Variants in TPM3 observed in about 807,000 individuals in gnomAD.
TPM3 encodes tropomyosin alpha-3 chain.
TPM3 carries 16 observed loss-of-function variants against 43.1 expected under a neutral mutation model. The ratio of observed to expected loss-of-function variants is 0.37; its 90% CI spans 0.25 to 0.56. TPM3 has a LOEUF of 0.56. Ranked by LOEUF, TPM3 falls within the 20% of genes least tolerant of loss-of-function variation. TPM3 has a pLI of 0.77. For synonymous variants in TPM3, 101 were observed against 116.9 expected (o/e 0.86, Z 0.88); for missense variants, 176 against 337.2 (o/e 0.52, Z 3.74).
intron 2 of TPM3, among the ~76,000 whole-genome samples, chr1:154,178,916 C>T (rs550176203): frequency 6.6e-6 from 1 of 152,272 alleles, no homozygotes; most frequent in Admixed American, 6.5e-5. Flanking sequence ...GTCACATTAC[C>T]AGATGGCTGA....
At position 154,163,174 on chromosome 1, in the gene TPM3, T is replaced by C. The variant is rs1660561223; in HGVS notation, c.*4763A>G. Among the ~76,000 whole-genome samples the C allele has an allele frequency of 6.6e-6, 1 of 152,138 alleles. No homozygotes were observed. Among genetic ancestry groups the C allele is most frequent in the African/African-American group, 2.4e-5 (1 of 41,426 alleles). The stretch of plus-strand genomic sequence containing the variant: ...CCAACTTCTGCCCAGGATCTGAATA[T>C]TTAGAAATGCATTGTCCAATATAAT... On this transcript the variant is annotated 3_prime_UTR_variant, in exon 10 of 10. Coordinates refer to ENST00000651641, the MANE Select transcript of TPM3 (RefSeq NM_152263.4).
rs140962463 is a variant in TPM3, at chr1:154,185,582, C to T, written c.243+5604G>A. Among the ~76,000 whole-genome samples, 488 of 149,074 alleles carry T rather than the reference C, an allele frequency of 3.3e-3. 25 individuals carry two copies. Among genetic ancestry groups the T allele is most frequent in the African/African-American group, 0.011 (455 of 39,652 alleles). On this transcript the variant is annotated intron_variant, in intron 2 of 9. Transcript: ENST00000651641. ...AAAACTAGCCAGGTGCAGTAGCAGG[C>T]GCCTGTAATCCCAGCCACTCGGGAG...
intron 2 of TPM3, among the ~76,000 whole-genome samples, chr1:154,182,241 G>A (rs190112397): frequency 6.0e-4 from 91 of 152,302 alleles, no homozygotes; most frequent in Non-Finnish European, 8.8e-5. Flanking sequence ...AGGCAAGTTT[G>A]GTTGGCTCCT....
chr1:154,158,460 G>T (rs1053152038), downstream of TPM3: 2 of 273,660 alleles, frequency 7.3e-6, no homozygotes, highest in African/African-American at 4.4e-5. Flanking sequence ...CTCTAAAGAG[G>T]TGAGGAAAAT....
chr1:154,174,516 T>A (rs1278376200), intron 3 of TPM3, among the ~76,000 whole-genome samples: 4 of 147,166 alleles, frequency 2.7e-5, no homozygotes, highest in African/African-American at 7.5e-5. Context: ...CATGCAGCTA[T>A]CCTCACTTTC....
chr1:154,166,796 C>G lies in TPM3; in HGVS notation c.*1141G>C, dbSNP rs1428305406. On this transcript the variant is annotated 3_prime_UTR_variant, in exon 10 of 10. Coordinates refer to ENST00000651641, the MANE Select transcript of TPM3 (RefSeq NM_152263.4). ...TCCCAGGTGCAAGCGATTCTCCTGC[C>G]TCAGCCTCCCGAGTAGCTGGGATTA... 1 of 635,664 alleles carries G rather than the reference C, an allele frequency of 1.6e-6. No homozygotes were observed. The highest frequency in any genetic ancestry group is 2.0e-6 in the Non-Finnish European group (1 of 510,940). 39.4% of individuals were successfully genotyped at this position (635,664 alleles called of 1,614,324 possible).
chr1:154,167,866 G>GC lies in TPM3; in HGVS notation c.*70dup, dbSNP rs775762957. Reference sequence around the variant, plus strand: ...CAGGCTGACCCAAATGGAATCCAGAGCGAGAGTGGGGCCTTGGGTTCCCCG... The same window carrying GC: ...CAGGCTGACCCAAATGGAATCCAGAGCCGAGAGTGGGGCCTTGGGTTCCCCG... On this transcript the variant is annotated 3_prime_UTR_variant, in exon 10 of 10. Coordinates refer to ENST00000651641, the MANE Select transcript of TPM3 (RefSeq NM_152263.4). The GC allele has an allele frequency of 2.5e-6, 4 of 1,613,776 alleles. No individual in the cohort carries two copies. Among genetic ancestry groups the GC allele is most frequent in the Non-Finnish European group, 3.4e-6 (4 of 1,179,762 alleles).
In TPM3 at chr1:154,164,551, A is replaced by C. The variant is rs1461636584; in HGVS notation, c.*3386T>G. 3.3e-5 allele frequency among the ~76,000 whole-genome samples: 5 copies of C among 152,312 alleles called. No homozygotes were observed. The South Asian group carries it at 6.2e-4, about 19-fold the overall frequency. On this transcript the variant is annotated 3_prime_UTR_variant, in exon 10 of 10. Transcript: ENST00000651641. ...ACAATGCCTGTCTTTATTTAGTGCTATCTCTCCTGCCACTACTCTAGCTCA... is the reference window on the plus strand; with the variant it reads ...ACAATGCCTGTCTTTATTTAGTGCTCTCTCTCCTGCCACTACTCTAGCTCA...
intron 8 of TPM3, chr1:154,169,977 C>G (rs751707397): frequency 1.2e-4 from 32 of 274,910 alleles, no homozygotes; most frequent in Non-Finnish European, 1.7e-4. Flanking sequence ...TATGGTTATT[C>G]CACAACTTCA....
At chr1:154,189,729 T>C (rs1571453516) in intron 2 of TPM3, among the ~76,000 whole-genome samples, 1 of 129,024 alleles carries the variant, frequency 7.8e-6, no homozygotes, top group Non-Finnish European at 1.6e-5. Context: ...ACCTGGGAGG[T>C]GGAGATGGCA....
chr1:154,176,652 G>GAAAAA lies in TPM3; in HGVS notation c.244-405_244-404insTTTTT, dbSNP rs376095488. On this transcript the variant is annotated intron_variant, in intron 2 of 9. Coordinates refer to ENST00000651641, the MANE Select transcript of TPM3 (RefSeq NM_152263.4). The stretch of plus-strand genomic sequence containing the variant: ...AACCTTTCAAGTGTCTCATAAAGCA[G>GAAAAA]GAAAAAAAAAAAAAAAAAAGCAAGG... Among the ~76,000 whole-genome samples the GAAAAA allele has an allele frequency of 1.6e-4, 19 of 119,370 alleles. 1 individual carries two copies. The highest frequency in any genetic ancestry group is 4.8e-3 in the Middle Eastern group (1 of 210). The allele number at this position is 119,370 out of a possible 152,430, so 78.3% of individuals were successfully genotyped here. A position where few individuals can be genotyped will look rare whatever the true frequency, so the allele number is the denominator to read the frequency against.
intron 2 of TPM3, among the ~76,000 whole-genome samples, chr1:154,189,024 C>G (rs1004381441): frequency 3.3e-5 from 5 of 150,960 alleles, no homozygotes; most frequent in African/African-American, 1.2e-4. Flanking sequence ...CCCAGCTACT[C>G]AGGAGACTGA....
chr1:154,189,879 AT>A (rs1213715399), intron 2 of TPM3, among the ~76,000 whole-genome samples: 1 of 151,820 alleles, frequency 6.6e-6, no homozygotes, highest in East Asian at 1.9e-4. Context: ...ATCCGAAAGC[AT>A]TTATGAATGG....
At chr1:154,157,870 A>T (rs1290652555), downstream of TPM3, 5 of 687,672 alleles carry the variant, frequency 7.3e-6, no homozygotes, top group East Asian at 1.0e-4. Flanking sequence ...TACATCACCC[A>T]GTTTTGTAGG....
At chr1:154,171,228 T>G (rs1404256288) in intron 6 of TPM3, 185 bp downstream of exon 6, 1 of 685,540 alleles carries the variant, frequency 1.5e-6, no homozygotes, top group Non-Finnish European at 2.6e-6. Flanking sequence ...AAGAAGTTAT[T>G]TTAATTAAAG....
intron 5 of TPM3, chr1:154,171,912 A>C: frequency 1.9e-6 from 2 of 1,033,146 alleles, no homozygotes; most frequent in African/African-American, 1.6e-5. Context: ...CATTCCATGA[A>C]GAGATGAGAC....
At chr1:154,188,552 G>A (rs1663517125) in intron 2 of TPM3, among the ~76,000 whole-genome samples, 1 of 150,926 alleles carries the variant, frequency 6.6e-6, no homozygotes, top group Non-Finnish European at 1.5e-5. Context: ...GCGGGCACCT[G>A]TAGTCCCAGC....
intron 4 of TPM3, 27 bp downstream of exon 4, chr1:154,173,053 ATACG>A (rs1173577158): frequency 6.2e-7 from 1 of 1,613,940 alleles, no homozygotes; most frequent in South Asian, 1.1e-5. Flanking sequence ...TAAAAGGCCG[ATACG>A]AGAGGGACTA....
chr1:154,156,192 T>C (rs940221599), downstream of TPM3: 2 of 175,630 alleles, frequency 1.1e-5, no homozygotes, highest in African/African-American at 4.7e-5. Context: ...GATCGAGCCA[T>C]TACGCTCCAG....
Sources: allele counts gnomAD v4.1 joint callset (sites outside exome capture counted in the v4.1 genomes callset), GRCh38; gene constraint gnomAD v4.1.1; transcripts MANE v1.5; gene names NCBI Gene and HGNC (gene_info 2026-07-23, HGNC 2026-07-21).